METTL24: variants seen among roughly 807,000 people sequenced by gnomAD.
METTL24 encodes probable methyltransferase-like protein 24.
METTL24 carries 29 observed loss-of-function variants against 32.7 expected under a neutral mutation model. The observed-to-expected ratio is 0.89, with a 90% CI of 0.66 to 1.21. The LOEUF is 1.21. Among genes scored for constraint, METTL24 ranks in the 50% most tolerant of loss-of-function variants. METTL24 has a pLI of 0.00. For synonymous variants in METTL24, 163 were observed against 179.5 expected (o/e 0.91, Z 0.73); for missense variants, 439 against 468.1 (o/e 0.94, Z 0.57).
chr6:110,301,985 G>A (rs980340760), intron 3 of METTL24, among the ~76,000 whole-genome samples: 1 of 152,082 alleles, frequency 6.6e-6, no homozygotes, highest in African/African-American at 2.4e-5. Flanking sequence ...TTCATTAAGA[G>A]AACGTTATGG....
chr6:110,322,978 AAC>A (rs753999935), intron 1 of METTL24, 106 bp from the exon 2 acceptor site: 2 of 770,592 alleles, frequency 2.6e-6, no homozygotes, highest in Non-Finnish European at 4.2e-6. Context: ...CTGTCAGCAA[AAC>A]ACACACATAT....
chr6:110,274,983 G>C (rs891760727), intron 4 of METTL24, among the ~76,000 whole-genome samples: 1 of 151,238 alleles, frequency 6.6e-6, no homozygotes, highest in African/African-American at 2.4e-5. Context: ...ATTTTTTGTA[G>C]AGACGGGGCT....
At chr6:110,347,299 G>A (rs914679126) in intron 1 of METTL24, among the ~76,000 whole-genome samples, 2 of 152,150 alleles carry the variant, frequency 1.3e-5, no homozygotes, top group African/African-American at 2.4e-5. Flanking sequence ...TTCCCTGTCT[G>A]CAAAATGAGA....
At chr6:110,248,463 G>A (rs892745575) in intron 4 of METTL24, among the ~76,000 whole-genome samples, 16 of 152,184 alleles carry the variant, frequency 1.1e-4, no homozygotes, top group African/African-American at 2.9e-4. Context: ...GGTAATACCC[G>A]AAGAATACTG....
intron 4 of METTL24, among the ~76,000 whole-genome samples, chr6:110,251,995 T>C (rs1778288636): frequency 6.6e-6 from 1 of 151,986 alleles, no homozygotes; most frequent in African/African-American, 2.4e-5. Flanking sequence ...ACTACAAAAA[T>C]TAGCCGGGTG....
chr6:110,248,549 A>G (rs944398398), intron 4 of METTL24, among the ~76,000 whole-genome samples: 15 of 149,082 alleles, frequency 1.0e-4, no homozygotes, highest in African/African-American at 3.4e-4. Context: ...AGAAAAAGTT[A>G]AAACAAAACA....
intron 3 of METTL24, among the ~76,000 whole-genome samples, chr6:110,299,817 T>C (rs1771488119): frequency 6.6e-6 from 1 of 152,126 alleles, no homozygotes; most frequent in Non-Finnish European, 1.5e-5. Flanking sequence ...AACTTCCAAA[T>C]ATTGAATTGA....
intron 4 of METTL24, chr6:110,253,957 G>A (rs1227233872): frequency 8.3e-6 from 12 of 1,441,690 alleles, no homozygotes; most frequent in Non-Finnish European, 1.1e-5. Flanking sequence ...GATGGCAAGT[G>A]GGTGAAGGTC....
chr6:110,282,498 GA>G (rs897650350), intron 4 of METTL24, among the ~76,000 whole-genome samples: 1 of 151,962 alleles, frequency 6.6e-6, no homozygotes, highest in Non-Finnish European at 1.5e-5. Flanking sequence ...CCATTTCATG[GA>G]AAAAATGGAA....
At chr6:110,249,708 T>C (rs1413666684) in intron 4 of METTL24, among the ~76,000 whole-genome samples, 1 of 151,918 alleles carries the variant, frequency 6.6e-6, no homozygotes, top group African/African-American at 2.4e-5. Flanking sequence ...CCACTAAAAA[T>C]CATACAAATT....
intron 1 of METTL24, among the ~76,000 whole-genome samples, chr6:110,338,885 T>G (rs992828571): frequency 1.3e-5 from 2 of 152,234 alleles, no homozygotes; most frequent in African/African-American, 4.8e-5. Context: ...TATTTGTTAC[T>G]GCAAATTTTA....
chr6:110,325,918 G>A (rs1582427378), intron 1 of METTL24, among the ~76,000 whole-genome samples: 1 of 152,196 alleles, frequency 6.6e-6, no homozygotes, highest in East Asian at 1.9e-4. Context: ...CCAGTGCACA[G>A]GCTGGTCAGA....
intron 3 of METTL24, among the ~76,000 whole-genome samples, chr6:110,311,405 T>G (rs1771718209): frequency 6.6e-6 from 1 of 152,092 alleles, no homozygotes; most frequent in African/African-American, 2.4e-5. Flanking sequence ...TTCATTGCTT[T>G]TCCCAGTGGA....
intron 4 of METTL24, among the ~76,000 whole-genome samples, chr6:110,297,772 A>G (rs967516057): frequency 3.9e-5 from 6 of 152,240 alleles, no homozygotes; most frequent in African/African-American, 1.4e-4. Context: ...AAAATCCTAT[A>G]TGTGTCTCAC....
chr6:110,259,424 C>A (rs939473333), intron 4 of METTL24, among the ~76,000 whole-genome samples: 16 of 152,192 alleles, frequency 1.1e-4, no homozygotes, highest in Non-Finnish European at 1.6e-4. Flanking sequence ...GGGGGAGGGG[C>A]ACCCACCATT....
intron 4 of METTL24, among the ~76,000 whole-genome samples, chr6:110,284,363 T>C (rs1033654116): frequency 2.0e-5 from 3 of 152,226 alleles, no homozygotes; most frequent in African/African-American, 7.2e-5. Context: ...ATGGTAAGTG[T>C]ATTTTTACCT....
Position 110,326,276 on chromosome 6 carries a change from T to A in METTL24, c.319-3404A>T, listed in dbSNP as rs116850381. Among the ~76,000 whole-genome samples, 11 of 152,364 alleles carry A rather than the reference T, an allele frequency of 7.2e-5. No homozygotes were observed. The South Asian group carries it at 2.3e-3, about 32-fold the overall frequency. ...TTGCTGGGGTTCCCCGCTCAGTCTATTACCATTACATCAGACCCTTTTGTC... is the reference window on the plus strand; with the variant it reads ...TTGCTGGGGTTCCCCGCTCAGTCTAATACCATTACATCAGACCCTTTTGTC... On this transcript the variant is annotated intron_variant, in intron 1 of 4. Transcript: ENST00000338882.
chr6:110,323,970 C>T (rs1771976210), intron 1 of METTL24, among the ~76,000 whole-genome samples: 1 of 152,138 alleles, frequency 6.6e-6, no homozygotes, highest in South Asian at 2.1e-4. Flanking sequence ...GTGGTGGGAA[C>T]TCTCAGCACC....
At chr6:110,292,027 T>C (rs544192484) in intron 4 of METTL24, among the ~76,000 whole-genome samples, 2 of 152,360 alleles carry the variant, frequency 1.3e-5, no homozygotes, top group African/African-American at 4.8e-5. Flanking sequence ...CTTAAAAATG[T>C]ATCTCAGAAA....
Sources: allele counts gnomAD v4.1 joint callset (sites outside exome capture counted in the v4.1 genomes callset), GRCh38; gene constraint gnomAD v4.1.1; transcripts MANE v1.5; gene names NCBI Gene and HGNC (gene_info 2026-07-23, HGNC 2026-07-21).